The following ZNF761 variants were observed in gnomAD, a reference collection of about 807,000 sequenced individuals.
ZNF761 encodes zinc finger protein 761.
Under a neutral mutation model 59.9 loss-of-function variants are expected in ZNF761, and 43 were observed. That is an observed-to-expected ratio of 0.72 (90% confidence interval 0.56 to 0.92). The LOEUF is 0.92. Ranked by LOEUF, ZNF761 falls within the 40% of genes least tolerant of loss-of-function variation. The pLI, the probability that ZNF761 is intolerant of heterozygous loss-of-function variation, is 0.00. For synonymous variants in ZNF761, 294 were observed against 304.8 expected (o/e 0.96, Z 0.37); for missense variants, 850 against 906.1 (o/e 0.94, Z 0.79).
intron 4 of ZNF761, chr19:53,450,325 A>G (rs2086210167): frequency 6.5e-6 from 1 of 152,752 alleles, no homozygotes; most frequent in Admixed American, 6.5e-5. Context: ...ATAAAATGAA[A>G]TATTTGCATA....
In ZNF761 at chr19:53,456,749, T is replaced by C. The variant is rs1374318468; in HGVS notation, c.*1T>C. 1 of 1,612,960 alleles carries C rather than the reference T, an allele frequency of 6.2e-7. No homozygotes were observed. The highest frequency in any genetic ancestry group is 1.3e-5 in the African/African-American group (1 of 74,822). Reference sequence around the variant, plus strand: ...TCATACTGGAGAAAAACAAGTGTAATGAATGTGGTGAGGTTTTTAATCAAC... The same window carrying C: ...TCATACTGGAGAAAAACAAGTGTAACGAATGTGGTGAGGTTTTTAATCAAC... On this transcript the variant is annotated 3_prime_UTR_variant, in exon 5 of 5. Coordinates refer to ENST00000684525, the MANE Select transcript of ZNF761 (RefSeq NM_001289951.2).
At chr19:53,440,114 C>T (rs1007235270) in intron 1 of ZNF761, among the ~76,000 whole-genome samples, 15 of 151,976 alleles carry the variant, frequency 9.9e-5, no homozygotes, top group African/African-American at 3.1e-4. Context: ...TACAGGAGTT[C>T]GAGACCAGCC....
At chr19:53,453,730 G>T (rs983016681) in intron 4 of ZNF761, among the ~76,000 whole-genome samples, 12 of 152,026 alleles carry the variant, frequency 7.9e-5, no homozygotes, top group African/African-American at 2.9e-4. Flanking sequence ...ACAAAAATTA[G>T]CCAAGCATGG....
chr19:53,457,512 C>T lies in ZNF761; in HGVS notation c.*764C>T. The T allele has an allele frequency of 2.6e-6, 1 of 377,814 alleles. No homozygotes were observed. Among genetic ancestry groups the T allele is most frequent in the African/African-American group, 2.1e-5 (1 of 46,532 alleles). 23.4% of individuals were successfully genotyped at this position (377,814 alleles called of 1,614,324 possible). The stretch of plus-strand genomic sequence containing the variant: ...ACAAATGTCATCAATGTGCCAAGGT[C>T]TTCAGTCTGAGTTCACTCCTTGCAG... On this transcript the variant is annotated 3_prime_UTR_variant, in exon 5 of 5. Transcript: ENST00000684525.
At chr19:53,454,177 GTT>G (rs1174796831) in intron 4 of ZNF761, among the ~76,000 whole-genome samples, 2 of 152,114 alleles carry the variant, frequency 1.3e-5, no homozygotes, top group Admixed American at 1.3e-4. Context: ...TGCTATGACT[GTT>G]TGACAATACA....
intron 1 of ZNF761, chr19:53,443,634 A>G (rs2086123328): frequency 1.3e-5 from 2 of 152,160 alleles, no homozygotes; most frequent in African/African-American, 2.4e-5. Context: ...CATGGGGAAC[A>G]TATTCTTCTA....
At chr19:53,453,561 T>G (rs1406065563) in intron 4 of ZNF761, among the ~76,000 whole-genome samples, 1 of 152,220 alleles carries the variant, frequency 6.6e-6, no homozygotes, top group Non-Finnish European at 1.5e-5. Context: ...GCAATATAAC[T>G]GACACAGTCC....
intron 1 of ZNF761, chr19:53,441,822 G>A: frequency 2.1e-6 from 3 of 1,410,244 alleles, no homozygotes; most frequent in Non-Finnish European, 3.0e-6. Flanking sequence ...CCGAGTGGAG[G>A]AAGGAGGAAC....
At position 53,441,883 on chromosome 19, in the gene ZNF761, C is replaced by T. The variant is rs1423795093; in HGVS notation, c.-184-4344C>T. 1.7e-5 allele frequency: 27 copies of T among 1,575,618 alleles called. No individual in the cohort carries two copies. In the East Asian group the frequency reaches 1.8e-4, roughly 10 times the overall value. On this transcript the variant is annotated intron_variant, in intron 1 of 4. Transcript: ENST00000684525. ...GCAGCATGGCTGGGATCACCACCAT[C>T]GAGGCAGTGAAGCGCAAGATCCAGG...
intron 1 of ZNF761, among the ~76,000 whole-genome samples, chr19:53,436,969 T>A (rs568223238): frequency 1.1e-4 from 16 of 152,288 alleles, no homozygotes; most frequent in African/African-American, 3.6e-4. Flanking sequence ...CAGCACAGGT[T>A]AATCATTGTT....
At chr19:53,435,780 G>A (rs2086035812) in intron 1 of ZNF761, among the ~76,000 whole-genome samples, 1 of 152,036 alleles carries the variant, frequency 6.6e-6, no homozygotes, top group Non-Finnish European at 1.5e-5. Context: ...TGTACAGCAT[G>A]TTCATATCCA....
intron 4 of ZNF761, 74 bp from the exon 5 acceptor site, chr19:53,454,576 G>T: frequency 7.1e-7 from 1 of 1,418,076 alleles, no homozygotes; most frequent in Non-Finnish European, 9.4e-7. Flanking sequence ...TGTTTTTTGT[G>T]TCGTATTTAC....
At chr19:53,441,453 GTT>G (rs71185882) in intron 1 of ZNF761, among the ~76,000 whole-genome samples, 7,025 of 144,276 alleles carry the variant, frequency 0.049, 403 homozygotes, top group African/African-American at 0.14. Context: ...TTTGTTTTTT[GTT>G]TTTTTTTTTT....
intron 3 of ZNF761, among the ~76,000 whole-genome samples, chr19:53,448,266 G>A (rs1457604898): frequency 1.3e-5 from 2 of 152,234 alleles, no homozygotes; most frequent in African/African-American, 2.4e-5. Context: ...GTCTCCCAGA[G>A]TGCTGGGATT....
In ZNF761 at chr19:53,456,076, G is replaced by C. The variant is rs1186602717; in HGVS notation, c.1569G>C (p.Lys523Asn). 1 of 1,598,926 alleles carries C rather than the reference G, an allele frequency of 6.3e-7. No homozygotes were observed. The highest frequency in any genetic ancestry group is 1.7e-5 in the Admixed American group (1 of 59,190). The part of the protein sequence containing the change: ...HRLHTGEKAY[K>N]CNECGKTFSW... ...TTCATACTGGAGAGAAAGCTTACAA[G>C]TGTAATGAGTGCGGCAAGACCTTTA... Residue 523 changes from lysine to asparagine, a missense_variant, in exon 5 of 5, where the codon AAG (lysine) becomes AAC (asparagine). Physicochemically the swap from Lys to Asn is moderately conservative, Grantham distance 94. Transcript: ENST00000684525.
chr19:53,449,279 C>G (rs2086193361), intron 3 of ZNF761, among the ~76,000 whole-genome samples: 1 of 151,718 alleles, frequency 6.6e-6, no homozygotes, highest in Non-Finnish European at 1.5e-5. Flanking sequence ...GCAGTGAGCG[C>G]AGACAGCACC....
chr19:53,441,435 C>T (rs1162110302), intron 1 of ZNF761, among the ~76,000 whole-genome samples: 7 of 136,942 alleles, frequency 5.1e-5, no homozygotes, highest in African/African-American at 1.6e-4. Flanking sequence ...ATGTTAGTTT[C>T]GGGTTTTTTT....
chr19:53,446,927 A>C (rs1199311237), intron 2 of ZNF761, among the ~76,000 whole-genome samples: 1 of 151,946 alleles, frequency 6.6e-6, no homozygotes, highest in Non-Finnish European at 1.5e-5. Context: ...CAGCATCTGC[A>C]TGGGGTTTGG....
intron 2 of ZNF761, 73 bp downstream of exon 2, chr19:53,446,410 T>C (rs2086159961): frequency 6.6e-6 from 1 of 152,146 alleles, no homozygotes; most frequent in African/African-American, 2.4e-5. Flanking sequence ...AGTCTCACAC[T>C]GTCACCCCAG....
Sources: allele counts gnomAD v4.1 joint callset (sites outside exome capture counted in the v4.1 genomes callset), GRCh38; gene constraint gnomAD v4.1.1; transcripts MANE v1.5; gene names NCBI Gene and HGNC (gene_info 2026-07-23, HGNC 2026-07-21).